Variants in CAPRIN2 observed in about 807,000 individuals in gnomAD.
CAPRIN2 encodes the protein caprin-2.
Under a neutral mutation model 130.4 loss-of-function variants are expected in CAPRIN2, and 66 were observed. That is an observed-to-expected ratio of 0.51 (90% CI 0.42 to 0.62). CAPRIN2 has a LOEUF of 0.62. Among genes scored for constraint, CAPRIN2 ranks in the 20% least tolerant of loss-of-function variants. CAPRIN2 has a pLI of 0.00. For missense variants in CAPRIN2, 1,185 were observed against 1,246.6 expected (o/e 0.95, Z 0.74); for synonymous variants, 471 against 444.1 (o/e 1.06, Z -0.76).
At position 30,750,808 on chromosome 12, in the gene CAPRIN2, T is replaced by C. The variant is rs2073389072; in HGVS notation, c.483+263A>G. On this transcript the variant is annotated intron_variant, in intron 2 of 16. Transcript: ENST00000298892. ...CACATAAGTTTAACTTAAATCTGTA[T>C]GTTAACTCGTAGTGACAGTCTACAC... 2.6e-5 allele frequency among the ~76,000 whole-genome samples: 4 copies of C among 152,212 alleles called. No individual in the cohort carries two copies. In the South Asian group the frequency reaches 8.3e-4, roughly 32 times the overall value.
intron 2 of CAPRIN2, among the ~76,000 whole-genome samples, chr12:30,742,649 A>G (rs983864026): frequency 1.3e-5 from 2 of 151,714 alleles, no homozygotes; most frequent in African/African-American, 4.8e-5. Context: ...ACCACTTTCT[A>G]TAAGGTACAA....
intron 2 of CAPRIN2, among the ~76,000 whole-genome samples, chr12:30,747,416 A>C (rs546672871): frequency 1.3e-5 from 2 of 152,134 alleles, no homozygotes; most frequent in South Asian, 4.1e-4. Context: ...GATGGCTCAC[A>C]CCTGTAATCC....
At chr12:30,713,418 T>C (rs1354750614) in intron 15 of CAPRIN2, among the ~76,000 whole-genome samples, 7 of 151,828 alleles carry the variant, frequency 4.6e-5, no homozygotes, top group Non-Finnish European at 8.9e-5. Flanking sequence ...AATCATGGGC[T>C]CTGGAGTAAG....
At chr12:30,737,755 G>A (rs763098300) in intron 3 of CAPRIN2, among the ~76,000 whole-genome samples, 10 of 151,972 alleles carry the variant, frequency 6.6e-5, no homozygotes, top group South Asian at 2.1e-4. Flanking sequence ...CCGCCACCAC[G>A]CCCGGCTAAT....
chr12:30,738,334 C>A (rs2065821388), intron 3 of CAPRIN2, among the ~76,000 whole-genome samples: 1 of 151,760 alleles, frequency 6.6e-6, no homozygotes, highest in Non-Finnish European at 1.5e-5. Flanking sequence ...AGATAAGACA[C>A]TATATTCACG....
chr12:30,734,769 A>C (rs527642441), intron 4 of CAPRIN2, among the ~76,000 whole-genome samples, 199 bp downstream of exon 5: 1 of 152,028 alleles, frequency 6.6e-6, no homozygotes, highest in Admixed American at 6.6e-5. Context: ...CAATCTGTCA[A>C]CCCTGTCAGA....
intron 13 of CAPRIN2, chr12:30,716,094 G>A (rs1346284245): frequency 3.4e-5 from 6 of 178,498 alleles, no homozygotes; most frequent in African/African-American, 4.8e-5. Flanking sequence ...ACAGTACAAT[G>A]AGCATACTAA....
exon 6 of CAPRIN2, chr12:30,731,491 T>C (rs775297409): frequency 1.9e-6 from 3 of 1,612,592 alleles, no homozygotes; most frequent in Admixed American, 1.7e-5. Context: ...ATTTAGACAG[T>C]AGATCCTTCA....
chr12:30,736,453 T>C (rs980735211), intron 3 of CAPRIN2, among the ~76,000 whole-genome samples: 10 of 150,270 alleles, frequency 6.7e-5, no homozygotes, highest in Non-Finnish European at 1.0e-4. Flanking sequence ...TACTTTGATA[T>C]AGCATCGATA....
At chr12:30,709,655 T>G (rs1222913652) in exon 17 of CAPRIN2, 2 of 420,838 alleles carry the variant, frequency 4.8e-6, no homozygotes, top group Non-Finnish European at 8.5e-6. Context: ...AAGGATTAAG[T>G]GCAAACAATA....
At chr12:30,746,894 C>T (rs1202071629) in intron 2 of CAPRIN2, among the ~76,000 whole-genome samples, 1 of 152,210 alleles carries the variant, frequency 6.6e-6, no homozygotes, top group African/African-American at 2.4e-5. Flanking sequence ...GCTGGCTACA[C>T]TAAACAACAG....
chr12:30,753,773 A>T (rs767583077), exon 1 of CAPRIN2: 1 of 1,594,096 alleles, frequency 6.3e-7, no homozygotes, highest in Non-Finnish European at 8.5e-7. Context: ...TCCTACTTTT[A>T]AAGTAATTAG....
At chr12:30,732,877 G>GT (rs2063213008) in intron 5 of CAPRIN2, among the ~76,000 whole-genome samples, 4 of 152,010 alleles carry the variant, frequency 2.6e-5, no homozygotes, top group Non-Finnish European at 5.9e-5. Flanking sequence ...ATTGCTTAGC[G>GT]TTATAAGTGT....
At chr12:30,750,703 G>A (rs1464356480) in intron 2 of CAPRIN2, among the ~76,000 whole-genome samples, 2 of 152,200 alleles carry the variant, frequency 1.3e-5, no homozygotes, top group African/African-American at 4.8e-5. Context: ...TTCTGGAGCA[G>A]AAAGATGTCA....
chr12:30,716,660 G>A (rs371982877), exon 13 of CAPRIN2: 3 of 1,613,584 alleles, frequency 1.9e-6, no homozygotes, highest in Non-Finnish European at 2.5e-6. Context: ...AGGCAGAGGT[G>A]CATTAACGTT....
intron 10 of CAPRIN2, among the ~76,000 whole-genome samples, chr12:30,723,987 A>G (rs1004749251): frequency 6.6e-6 from 1 of 152,200 alleles, no homozygotes; most frequent in Non-Finnish European, 1.5e-5. Context: ...TACTGTGTTA[A>G]TCACTGTTCT....
chr12:30,714,239 T>C (rs1190012175), intron 14 of CAPRIN2, among the ~76,000 whole-genome samples: 1 of 152,228 alleles, frequency 6.6e-6, no homozygotes, highest in Non-Finnish European at 1.5e-5. Context: ...TGGAGCACAG[T>C]AGTGAGATCA....
At chr12:30,728,648 A>G in exon 8 of CAPRIN2, 1 of 1,601,184 alleles carries the variant, frequency 6.2e-7, no homozygotes, top group Non-Finnish European at 8.5e-7. Flanking sequence ...ATCAACTCAC[A>G]TCTTTGGGTT....
chr12:30,728,202 A>G (rs1366803667), intron 8 of CAPRIN2, among the ~76,000 whole-genome samples: 1 of 152,228 alleles, frequency 6.6e-6, no homozygotes, highest in Admixed American at 6.5e-5. Context: ...AAGGGAAAAC[A>G]ATAAATCTAC....
Sources: gnomAD v4.1 joint callset for allele counts (sites outside exome capture counted in the v4.1 genomes callset) on GRCh38, gnomAD v4.1.1 for gene constraint, MANE v1.5 for transcripts, NCBI Gene and HGNC (gene_info 2026-07-23, HGNC 2026-07-21) for gene names.